TMOD2: variants seen among roughly 807,000 people sequenced by gnomAD.
The protein encoded by TMOD2 is tropomodulin 2.
A neutral mutation model predicts 39.9 loss-of-function variants in TMOD2; 22 were observed. That is an observed-to-expected ratio of 0.55 (90% CI 0.39 to 0.79). The LOEUF (loss-of-function observed/expected upper bound fraction) is 0.79, where lower values mean the gene tolerates loss of function less well. TMOD2 is among the 30% of genes least tolerant of loss of function. TMOD2 has a pLI of 0.00. For missense variants in TMOD2, 386 were observed against 413.3 expected, an observed-to-expected ratio of 0.93 and a Z score of 0.57; for synonymous variants, 123 against 146.1, an observed-to-expected ratio of 0.84 and a Z score of 1.14.
intron 8 of TMOD2, among the ~76,000 whole-genome samples, chr15:51,801,762 A>T (rs1054992838): frequency 1.3e-5 from 2 of 152,180 alleles, no homozygotes; most frequent in Non-Finnish European, 2.9e-5. Flanking sequence ...ATTTGAAGAT[A>T]TGCTTAAACA....
chr15:51,782,905 A>T, intron 7 of TMOD2, 77 bp downstream of exon 7: 1 of 1,405,214 alleles, frequency 7.1e-7, no homozygotes, highest in Non-Finnish European at 9.9e-7. Flanking sequence ...TTCATTAGCT[A>T]ACAATTTTTT....
chr15:51,751,705 A>C lies in TMOD2; in HGVS notation c.-77A>C. 6.5e-6 allele frequency: 1 copy of C among 153,948 alleles called. No individual in the cohort carries two copies. Among genetic ancestry groups the C allele is most frequent in the Non-Finnish European group, 1.4e-5 (1 of 69,596 alleles). 9.5% of individuals were successfully genotyped at this position (153,948 alleles called of 1,614,324 possible). A position where few individuals can be genotyped will look rare whatever the true frequency, so the allele number is the denominator to read the frequency against. On this transcript the variant is annotated 5_prime_UTR_variant, in exon 1 of 10. Coordinates refer to ENST00000249700, the MANE Select transcript of TMOD2 (RefSeq NM_014548.4). ...GCACAGCCGGCTCCGGGATGAGCGCACGGACGGGTGAGCGCCCCGGGGGGC... is the reference window on the plus strand; with the variant it reads ...GCACAGCCGGCTCCGGGATGAGCGCCCGGACGGGTGAGCGCCCCGGGGGGC...
intron 7 of TMOD2, among the ~76,000 whole-genome samples, chr15:51,786,635 G>A (rs1278579454): frequency 2.0e-5 from 3 of 152,188 alleles, no homozygotes; most frequent in Non-Finnish European, 4.4e-5. Flanking sequence ...AAGCCAGGAT[G>A]CAAATGTAAG....
At chr15:51,802,303 A>G (rs550198074) in intron 8 of TMOD2, among the ~76,000 whole-genome samples, 5 of 152,212 alleles carry the variant, frequency 3.3e-5, no homozygotes, top group Non-Finnish European at 7.3e-5. Flanking sequence ...TTAACATAAA[A>G]GCAGAGTTGG....
At chr15:51,782,385 A>G (rs1005690491) in intron 6 of TMOD2, among the ~76,000 whole-genome samples, 6 of 152,246 alleles carry the variant, frequency 3.9e-5, no homozygotes, top group African/African-American at 1.4e-4. Context: ...CGACTTTGGT[A>G]TATTAAAACA....
chr15:51,807,834 G>C (rs2056130575), intron 9 of TMOD2, among the ~76,000 whole-genome samples: 1 of 152,298 alleles, frequency 6.6e-6, no homozygotes, highest in South Asian at 2.1e-4. Flanking sequence ...GGTGGAAGAA[G>C]AGGGTTGCAG....
At chr15:51,770,754 A>G (rs2141619779) in intron 3 of TMOD2, among the ~76,000 whole-genome samples, 1 of 152,232 alleles carries the variant, frequency 6.6e-6, no homozygotes, top group South Asian at 2.1e-4. Context: ...GCCATGAGCT[A>G]TGATCCTGCC....
At position 51,813,393 on chromosome 15, in the gene TMOD2, TGAA is replaced by T. The variant is rs1312544817; in HGVS notation, c.*4941_*4943del. On this transcript the variant is annotated 3_prime_UTR_variant, in exon 10 of 10. Transcript: ENST00000249700. ...GATACATTGTTGACTTGGGGGAGGA[TGAA>T]GGAGAGAACTGATGACCTAGACATA... 8 of 152,184 alleles carry T rather than the reference TGAA, an allele frequency of 5.3e-5. No homozygotes were observed. Among genetic ancestry groups the T allele is most frequent in the African/African-American group, 1.9e-4 (8 of 41,414 alleles). The allele number at this position is 152,184 out of a possible 1,614,324, so 9.4% of individuals were successfully genotyped here.
chr15:51,792,230 G>T (rs541597321), intron 7 of TMOD2, among the ~76,000 whole-genome samples: 1 of 152,292 alleles, frequency 6.6e-6, no homozygotes, highest in East Asian at 1.9e-4. Flanking sequence ...CTCAAAAGAA[G>T]ACATTTATGC....
chr15:51,772,264 G>C (rs968563452), intron 3 of TMOD2, among the ~76,000 whole-genome samples: 2 of 152,160 alleles, frequency 1.3e-5, no homozygotes, highest in Admixed American at 6.6e-5. Flanking sequence ...GATCAAAATG[G>C]AAGAGAACAA....
At chr15:51,806,698 G>A (rs2056124144) in intron 9 of TMOD2, among the ~76,000 whole-genome samples, 177 bp downstream of exon 9, 1 of 152,146 alleles carries the variant, frequency 6.6e-6, no homozygotes, top group African/African-American at 2.4e-5. Flanking sequence ...TCCTCGCAGT[G>A]TTAAGTTTCA....
At chr15:51,800,622 A>G (rs935968522) in intron 8 of TMOD2, among the ~76,000 whole-genome samples, 6 of 152,098 alleles carry the variant, frequency 3.9e-5, no homozygotes, top group Admixed American at 6.6e-5. Flanking sequence ...TCAGCCATCT[A>G]GGAATGGATT....
intron 5 of TMOD2, among the ~76,000 whole-genome samples, chr15:51,777,393 T>A (rs1203196363): frequency 6.6e-6 from 1 of 152,216 alleles, no homozygotes; most frequent in East Asian, 1.9e-4. Flanking sequence ...TAATCAACTA[T>A]AGTAGCTTAA....
At chr15:51,754,446 C>T (rs1394273583) in intron 1 of TMOD2, among the ~76,000 whole-genome samples, 1 of 152,182 alleles carries the variant, frequency 6.6e-6, no homozygotes, top group African/African-American at 2.4e-5. Flanking sequence ...AAGGCATGTG[C>T]AGAAGAGACT....
chr15:51,766,840 GA>G, intron 2 of TMOD2: 2 of 232,802 alleles, frequency 8.6e-6, no homozygotes, highest in Non-Finnish European at 1.7e-5. Context: ...TTGTTTAGGG[GA>G]AAAAGAAGGA....
At chr15:51,792,823 A>G (rs575740706) in intron 7 of TMOD2, among the ~76,000 whole-genome samples, 3 of 152,234 alleles carry the variant, frequency 2.0e-5, no homozygotes, top group Admixed American at 1.3e-4. Flanking sequence ...ATGAGAACAC[A>G]TGGACACAGG....
chr15:51,798,186 TGCATCATAAGGC>T lies in TMOD2; in HGVS notation c.733-10_734del, dbSNP rs1378613913. On this transcript the variant is annotated splice_acceptor_variant and splice_polypyrimidine_tract_variant and coding_sequence_variant and intron_variant, in exon 8 of 10. Transcript: ENST00000249700. LOFTEE classifies it high-confidence loss of function. Reference sequence around the variant, plus strand: ...CTTAATTCTAAGTTTTTTTTCTTTTTGCATCATAAGGCTTTTGCAGACATGCTGAAAGTAAAC... The same window carrying T: ...CTTAATTCTAAGTTTTTTTTCTTTTTTTTTGCAGACATGCTGAAAGTAAAC... The T allele has an allele frequency of 6.4e-7, 1 of 1,567,926 alleles. No individual in the cohort carries two copies. The highest frequency in any genetic ancestry group is 2.2e-5 in the Admixed American group (1 of 45,976).
At chr15:51,776,288 G>A (rs2055888728) in intron 4 of TMOD2, among the ~76,000 whole-genome samples, 2 of 152,228 alleles carry the variant, frequency 1.3e-5, no homozygotes, top group Non-Finnish European at 2.9e-5. Flanking sequence ...TTAGCAAAGG[G>A]AAATCTGCGT....
chr15:51,760,335 G>T (rs1348696003), intron 1 of TMOD2, among the ~76,000 whole-genome samples: 4 of 152,164 alleles, frequency 2.6e-5, no homozygotes, highest in Admixed American at 1.3e-4. Context: ...CCATGTCCTT[G>T]CCCTTCCCAG....
Sources: allele counts gnomAD v4.1 joint callset (sites outside exome capture counted in the v4.1 genomes callset), GRCh38; gene constraint gnomAD v4.1.1; transcripts MANE v1.5; gene names NCBI Gene and HGNC (gene_info 2026-07-23, HGNC 2026-07-21).